The following COBL variants were observed in gnomAD, a reference collection of about 807,000 sequenced individuals.
COBL encodes cordon-bleu WH2 repeat protein.
COBL carries 51 observed loss-of-function variants against 98.8 expected under a neutral mutation model. That is an observed-to-expected ratio of 0.52 (90% CI 0.41 to 0.65). The LOEUF is 0.65. Ranked by LOEUF, COBL falls within the 30% of genes least tolerant of loss-of-function variation. The pLI is 0.00. For missense variants in COBL, 1,617 were observed against 1,617.5 expected, an observed-to-expected ratio of 1.00 and a Z score of 0.01; for synonymous variants, 634 against 651.7, an observed-to-expected ratio of 0.97 and a Z score of 0.41.
intron 1 of COBL, among the ~76,000 whole-genome samples, chr7:51,315,026 TTCTC>T (rs770761631): frequency 9.9e-5 from 15 of 152,186 alleles, no homozygotes; most frequent in East Asian, 1.9e-4. Flanking sequence ...CTTTTAAATG[TTCTC>T]TCTGTCTTCA....
At chr7:51,049,821 C>G (rs147888319) in intron 7 of COBL, among the ~76,000 whole-genome samples, 1 of 152,120 alleles carries the variant, frequency 6.6e-6, no homozygotes, top group Non-Finnish European at 1.5e-5. Flanking sequence ...TCAGGAGGCA[C>G]GGTTTGGAGA....
intron 6 of COBL, among the ~76,000 whole-genome samples, chr7:51,102,213 C>A (rs754259175): frequency 6.6e-6 from 1 of 152,100 alleles, no homozygotes; most frequent in African/African-American, 2.4e-5. Flanking sequence ...TTTGCTTGGT[C>A]AGGACTGATT....
At chr7:51,053,335 C>T (rs1053717790) in intron 7 of COBL, among the ~76,000 whole-genome samples, 2 of 152,178 alleles carry the variant, frequency 1.3e-5, no homozygotes, top group African/African-American at 2.4e-5. Context: ...GCCTGACAGG[C>T]AGATGGCATC....
chr7:51,208,371 C>T (rs1283698046), intron 2 of COBL, among the ~76,000 whole-genome samples: 5 of 149,456 alleles, frequency 3.3e-5, no homozygotes, highest in Admixed American at 2.7e-4. Flanking sequence ...CCAGCCGCCC[C>T]GTCTGGGAGG....
At chr7:51,157,636 A>AT (rs987651580) in intron 5 of COBL, among the ~76,000 whole-genome samples, 1 of 151,714 alleles carries the variant, frequency 6.6e-6, no homozygotes, top group Admixed American at 6.6e-5. Context: ...TTCTTTCCTT[A>AT]TTTTTTCCCC....
At chr7:51,128,814 C>T (rs1368751407) in intron 6 of COBL, among the ~76,000 whole-genome samples, 1 of 151,980 alleles carries the variant, frequency 6.6e-6, no homozygotes, top group Non-Finnish European at 1.5e-5. Context: ...CTGGCCATTC[C>T]AGCAGCAGCA....
intron 7 of COBL, among the ~76,000 whole-genome samples, chr7:51,077,887 A>G (rs1318215603): frequency 2.0e-5 from 3 of 152,160 alleles, no homozygotes; most frequent in Non-Finnish European, 4.4e-5. Flanking sequence ...TGACTTTCAG[A>G]TGCTTGGCCT....
At chr7:51,226,309 C>T (rs767889769) in intron 1 of COBL, among the ~76,000 whole-genome samples, 14 of 152,172 alleles carry the variant, frequency 9.2e-5, no homozygotes, top group Non-Finnish European at 1.6e-4. Context: ...AAGGGAGTTG[C>T]CATTCTCTCT....
chr7:51,252,715 C>G (rs936021765), intron 1 of COBL, among the ~76,000 whole-genome samples: 1 of 152,158 alleles, frequency 6.6e-6, no homozygotes, highest in South Asian at 2.1e-4. Context: ...AGGTTGTCCC[C>G]AGCAGGAGGG....
chr7:51,084,274 A>T (rs1793979370), intron 7 of COBL, among the ~76,000 whole-genome samples: 1 of 152,132 alleles, frequency 6.6e-6, no homozygotes, highest in Non-Finnish European at 1.5e-5. Context: ...CTGCAGCTGC[A>T]GACCTTAGGG....
chr7:51,193,565 A>G lies in COBL; in HGVS notation c.270T>C (p.Val90=), dbSNP rs749020764. Residue 90 remains valine (V), a synonymous_variant, in exon 3 of 13, where the codon GTT becomes GTC. Coordinates refer to ENST00000265136, the MANE Select transcript of COBL (RefSeq NM_015198.5). ...TCAGGTGGTTCTGAAGGCAAAGTTC[A>G]ACCAGTAGGTCCATCATCGCATGGC... is the stretch of plus-strand genomic sequence containing the variant. The part of the protein sequence containing the change: ...NGSHAMMDLL[V]ELCLQNHLNP... 1 of 1,614,210 alleles carries G rather than the reference A, an allele frequency of 6.2e-7. No homozygotes were observed. The highest frequency in any genetic ancestry group is 1.1e-5 in the South Asian group (1 of 91,064).
rs920606707 is a variant in COBL at position 51,028,391 on chromosome 7, A to G, written c.2705T>C (p.Val902Ala). 19 of 1,614,166 alleles carry G rather than the reference A, an allele frequency of 1.2e-5. No homozygotes were observed. Among genetic ancestry groups the G allele is most frequent in the East Asian group, 2.2e-5 (1 of 44,902 alleles). The change falls in exon 10 of 13, where the codon GTG (valine) becomes GCG (alanine). Residue 902 changes from valine to alanine, a missense_variant. Physicochemically the swap from Val to Ala is moderately conservative, Grantham distance 64. This residue lies in a region of COBL where 1,304 missense variants were observed against 1,282.0 expected (regional missense o/e 1.02). Coordinates refer to ENST00000265136, the MANE Select transcript of COBL (RefSeq NM_015198.5). ...AEKGYAGKAP[V>A]LAAPPVTVKD... is the part of the protein sequence containing the mutation. ...CACAGTGACAGGTGGTGCAGCCAGC[A>G]CTGGCGCCTTGCCTGCATAACCCTT...
At chr7:51,199,161 T>A (rs1790876548) in intron 2 of COBL, among the ~76,000 whole-genome samples, 1 of 152,110 alleles carries the variant, frequency 6.6e-6, no homozygotes, top group African/African-American at 2.4e-5. Context: ...CTTCAGCCCC[T>A]CTCCACTGTG....
chr7:51,027,275 A>G (rs1272073770), intron 10 of COBL, among the ~76,000 whole-genome samples: 2 of 152,250 alleles, frequency 1.3e-5, no homozygotes, highest in African/African-American at 4.8e-5. Context: ...CGTGTCCTAC[A>G]ATTACTCCTG....
At chr7:51,076,736 A>T (rs1793112780) in intron 7 of COBL, among the ~76,000 whole-genome samples, 1 of 152,206 alleles carries the variant, frequency 6.6e-6, no homozygotes. Context: ...AACAGGAGAC[A>T]ATGACCTATC....
chr7:51,110,973 T>C (rs2128976950), intron 6 of COBL, among the ~76,000 whole-genome samples: 1 of 152,362 alleles, frequency 6.6e-6, no homozygotes, highest in Middle Eastern at 3.4e-3. Flanking sequence ...GATTTTGCAA[T>C]TGTGAATTGT....
intron 6 of COBL, among the ~76,000 whole-genome samples, chr7:51,114,858 T>C (rs1224627178): frequency 6.6e-6 from 1 of 152,242 alleles, no homozygotes; most frequent in Non-Finnish European, 1.5e-5. Context: ...GTTTATTTTC[T>C]ACATCCCAAC....
chr7:51,204,414 T>A (rs1791453160), intron 2 of COBL, among the ~76,000 whole-genome samples: 1 of 152,024 alleles, frequency 6.6e-6, no homozygotes, highest in Non-Finnish European at 1.5e-5. Flanking sequence ...CATCAAAAAA[T>A]AACTGAAATT....
intron 8 of COBL, chr7:51,032,557 T>G (rs896227444): frequency 6.6e-6 from 1 of 152,200 alleles, no homozygotes. Context: ...TTCTGATAAA[T>G]GAGTCTTTCT....
Sources: allele counts gnomAD v4.1 joint callset (sites outside exome capture counted in the v4.1 genomes callset), GRCh38; gene constraint gnomAD v4.1.1; regional missense constraint gnomAD v4.1.1; transcripts MANE v1.5; gene names NCBI Gene and HGNC (gene_info 2026-07-23, HGNC 2026-07-21).